The following CDH18 variants were observed in gnomAD, a reference collection of about 807,000 sequenced individuals.
CDH18 encodes cadherin 18, also known as cadherin-18.
In CDH18, 31 loss-of-function variants were observed where a neutral mutation model predicts 67.9. The observed-to-expected ratio is 0.46, with a 90% CI of 0.34 to 0.62. CDH18 has a LOEUF of 0.62. Ranked by LOEUF, CDH18 falls within the 20% of genes least tolerant of loss-of-function variation. The pLI is 0.01. For missense variants in CDH18, 890 were observed against 975.5 expected, an observed-to-expected ratio of 0.91 and a Z score of 1.17; for synonymous variants, 362 against 347.2, an observed-to-expected ratio of 1.04 and a Z score of -0.48.
At chr5:20,463,296 A>G (rs967801009) in intron 1 of CDH18, among the ~76,000 whole-genome samples, 2 of 151,564 alleles carry the variant, frequency 1.3e-5, no homozygotes, top group Non-Finnish European at 2.9e-5. Flanking sequence ...GAGATTAGTA[A>G]AACAAGAAAA....
In CDH18 at chr5:20,555,746, C is replaced by CT. The variant is rs567092272; in HGVS notation, c.-580+19715dup. ...GAGACAGAGTTTCAAATCACCCCTG[C>CT]TTTTTTTTTTTTCCTTCAGGCCCTG... On this transcript the variant is annotated intron_variant, in intron 1 of 14. Transcript: ENST00000507958. 8.9e-4 allele frequency among the ~76,000 whole-genome samples: 128 copies of CT among 144,624 alleles called. 1 individual carries two copies. The highest frequency in any genetic ancestry group is 4.4e-3 in the South Asian group (20 of 4,564). 94.9% of individuals were successfully genotyped at this position (144,624 alleles called of 152,430 possible).
At chr5:20,321,333 A>C (rs866254867) in intron 1 of CDH18, among the ~76,000 whole-genome samples, 7 of 152,128 alleles carry the variant, frequency 4.6e-5, no homozygotes, top group Admixed American at 1.3e-4. Context: ...CTTCCTTTGC[A>C]ACACTGGATG....
At chr5:20,493,906 G>GA (rs1334219510) in intron 1 of CDH18, among the ~76,000 whole-genome samples, 4 of 150,940 alleles carry the variant, frequency 2.7e-5, no homozygotes, top group Non-Finnish European at 5.9e-5. Flanking sequence ...TCCCACATGA[G>GA]AAAAACCCTC....
At chr5:20,383,647 C>T (rs1203236855) in intron 1 of CDH18, among the ~76,000 whole-genome samples, 3 of 152,008 alleles carry the variant, frequency 2.0e-5, no homozygotes, top group African/African-American at 7.2e-5. Flanking sequence ...TGCTCTTTTG[C>T]GTGAATCTTT....
chr5:20,445,525 AAG>A (rs1208447861), intron 1 of CDH18, among the ~76,000 whole-genome samples: 5 of 152,242 alleles, frequency 3.3e-5, no homozygotes, highest in Non-Finnish European at 7.3e-5. Context: ...TAAAAAACAA[AAG>A]AGAGAGGTTA....
intron 2 of CDH18, among the ~76,000 whole-genome samples, chr5:19,943,073 C>G (rs1323439157): frequency 6.6e-6 from 1 of 152,080 alleles, no homozygotes; most frequent in Non-Finnish European, 1.5e-5. Context: ...GTTTTAGAAA[C>G]AGTGATCATA....
intron 2 of CDH18, among the ~76,000 whole-genome samples, chr5:19,968,631 G>T (rs992638748): frequency 6.8e-6 from 1 of 147,188 alleles, no homozygotes; most frequent in Admixed American, 6.6e-5. Flanking sequence ...GGGAAAACTG[G>T]CTAGCCATAT....
At chr5:19,793,047 G>A (rs1776520227) in intron 3 of CDH18, among the ~76,000 whole-genome samples, 1 of 152,096 alleles carries the variant, frequency 6.6e-6, no homozygotes, top group Admixed American at 6.6e-5. Flanking sequence ...GGTAATCAAT[G>A]AATGATAATG....
chr5:20,496,380 A>T (rs1314129320), intron 1 of CDH18, among the ~76,000 whole-genome samples: 1 of 152,180 alleles, frequency 6.6e-6, no homozygotes, highest in Non-Finnish European at 1.5e-5. Context: ...AAAGGATAAA[A>T]TATTCATGAT....
intron 5 of CDH18, among the ~76,000 whole-genome samples, chr5:19,638,981 T>TTTTTTTTTG (rs1468589464): frequency 4.3e-5 from 3 of 70,426 alleles, no homozygotes; most frequent in African/African-American, 1.8e-4. Context: ...GTTGCTGTTT[T>TTTTTTTTTG]TTTTTTTTTT....
In CDH18 at chr5:20,333,528, T is replaced by TACAC. The variant is rs10658368; in HGVS notation, c.-579-78027_-579-78024dup. Among the ~76,000 whole-genome samples the TACAC allele has an allele frequency of 5.2e-3, 705 of 136,838 alleles. 4 individuals are homozygous for TACAC. The highest frequency in any genetic ancestry group is 7.8e-3 in the Middle Eastern group (2 of 256). 89.8% of individuals were successfully genotyped at this position (136,838 alleles called of 152,430 possible). A position where few individuals can be genotyped will look rare whatever the true frequency, so the allele number is the denominator to read the frequency against. On this transcript the variant is annotated intron_variant, in intron 1 of 14. Transcript: ENST00000507958. ...CTCAAAAAAAAAAAAACAATATATA[T>TACAC]ACACACACACACACACACACACATA...
At chr5:20,171,860 A>G (rs1304552645) in intron 2 of CDH18, among the ~76,000 whole-genome samples, 1 of 151,416 alleles carries the variant, frequency 6.6e-6, no homozygotes, top group Non-Finnish European at 1.5e-5. Context: ...CTTCCATTTA[A>G]GTCTTTAAAT....
chr5:20,536,985 C>T (rs1306804349), intron 1 of CDH18, among the ~76,000 whole-genome samples: 2 of 152,108 alleles, frequency 1.3e-5, no homozygotes, highest in Admixed American at 6.6e-5. Flanking sequence ...ACTAATCTAA[C>T]AGTCATATTC....
At chr5:19,602,547 T>TA (rs962937769) in intron 6 of CDH18, among the ~76,000 whole-genome samples, 10 of 150,140 alleles carry the variant, frequency 6.7e-5, no homozygotes, top group African/African-American at 1.7e-4. Context: ...AAATTAAAAT[T>TA]AAAAAAAAAG....
chr5:20,066,169 T>C (rs1363321947), intron 2 of CDH18, among the ~76,000 whole-genome samples: 1 of 152,028 alleles, frequency 6.6e-6, no homozygotes, highest in East Asian at 1.9e-4. Context: ...CTAATTTTGC[T>C]TGAGCCATGC....
chr5:19,799,877 G>A (rs894915302), intron 3 of CDH18, among the ~76,000 whole-genome samples: 3 of 152,084 alleles, frequency 2.0e-5, no homozygotes, highest in Admixed American at 1.3e-4. Context: ...AACACAAACA[G>A]ATACATTCAT....
At chr5:20,474,719 G>A (rs1235588313) in intron 1 of CDH18, among the ~76,000 whole-genome samples, 1 of 152,182 alleles carries the variant, frequency 6.6e-6, no homozygotes, top group African/African-American at 2.4e-5. Context: ...ACTCCTGGTG[G>A]ATTTTGAGAC....
At chr5:19,685,253 T>C (rs1321135574) in intron 5 of CDH18, among the ~76,000 whole-genome samples, 3 of 152,204 alleles carry the variant, frequency 2.0e-5, no homozygotes, top group Admixed American at 6.5e-5. Flanking sequence ...GCATGTTAAA[T>C]GCTTTTAAAT....
At chr5:20,121,564 A>C (rs2126417401) in intron 2 of CDH18, among the ~76,000 whole-genome samples, 1 of 152,314 alleles carries the variant, frequency 6.6e-6, no homozygotes, top group South Asian at 2.1e-4. Context: ...AACAGGTGCA[A>C]GACACAACCA....
Sources: gnomAD v4.1 joint callset for allele counts (sites outside exome capture counted in the v4.1 genomes callset) on GRCh38, gnomAD v4.1.1 for gene constraint, MANE v1.5 for transcripts, NCBI Gene and HGNC (gene_info 2026-07-23, HGNC 2026-07-21) for gene names.